PARVB: variants seen among roughly 807,000 people sequenced by gnomAD.
PARVB encodes the protein parvin beta.
In PARVB, 46 loss-of-function variants were observed where a neutral mutation model predicts 47.0. That is an observed-to-expected ratio of 0.98 (90% CI 0.77 to 1.25). PARVB has a LOEUF of 1.25. Among genes scored for constraint, PARVB ranks in the 50% most tolerant of loss-of-function variants. The pLI is 0.00. For missense variants in PARVB, 473 were observed against 471.6 expected (o/e 1.00, Z -0.03); for synonymous variants, 196 against 196.3 (o/e 1.00, Z 0.01).
chr22:44,059,039 C>CTTTTTTTTTTTTT (rs11296450), intron 1 of PARVB, among the ~76,000 whole-genome samples: 1 of 73,050 alleles, frequency 1.4e-5, no homozygotes, highest in Admixed American at 1.7e-4. Flanking sequence ...CACCCTGTGG[C>CTTTTTTTTTTTTT]TTTTTTTTTT....
intron 2 of PARVB, among the ~76,000 whole-genome samples, chr22:44,008,096 G>T (rs7364252): frequency 0.026 from 3,983 of 151,874 alleles, 54 homozygotes; most frequent in South Asian, 0.031. Flanking sequence ...GGTTTTTTTT[G>T]TTGTTGTTGT....
intron 1 of PARVB, among the ~76,000 whole-genome samples, chr22:44,063,826 G>A (rs1366464739): frequency 6.6e-6 from 1 of 152,188 alleles, no homozygotes; most frequent in African/African-American, 2.4e-5. Flanking sequence ...GGGCATGTGA[G>A]AAGCTCTCAA....
chr22:44,128,614 G>C (rs928793154), intron 4 of PARVB, among the ~76,000 whole-genome samples: 6 of 152,312 alleles, frequency 3.9e-5, no homozygotes, highest in African/African-American at 1.4e-4. Flanking sequence ...CCTACATGCA[G>C]GGCCCACCCA....
chr22:44,168,041 G>A (rs2054207410), intron 12 of PARVB: 1 of 156,134 alleles, frequency 6.4e-6, no homozygotes, highest in South Asian at 1.9e-4. Flanking sequence ...TTGGATCACA[G>A]GGAGTCAGGA....
Position 44,089,985 on chromosome 22 carries a change from C to T in PARVB, c.113-3943C>T, listed in dbSNP as rs1303948010. ...GCCTGCCTTGTGGTCACTCTTCCTC[C>T]AGTCTGTGTCTCTCTTGGAGCCTAA... On this transcript the variant is annotated intron_variant, in intron 1 of 12. Coordinates refer to ENST00000338758, the MANE Select transcript of PARVB (RefSeq NM_013327.5). The surrounding 1 kb of genome is among the most constrained non-coding windows in gnomAD (Gnocchi z 4.0). Among the ~76,000 whole-genome samples, 1 of 152,200 alleles carries T rather than the reference C, an allele frequency of 6.6e-6. No homozygotes were observed. Among genetic ancestry groups the T allele is most frequent in the Non-Finnish European group, 1.5e-5 (1 of 68,040 alleles).
At chr22:44,066,012 G>A (rs936237894) in intron 1 of PARVB, among the ~76,000 whole-genome samples, 1 of 152,028 alleles carries the variant, frequency 6.6e-6, no homozygotes, top group Non-Finnish European at 1.5e-5. Flanking sequence ...CTTTTCCCTT[G>A]GGTAGATACC....
chr22:44,069,060 C>T (rs898212222), intron 1 of PARVB: 2 of 1,551,132 alleles, frequency 1.3e-6, no homozygotes, highest in Non-Finnish European at 8.8e-7. Flanking sequence ...TAGTGGCGCC[C>T]CTGCCACGTC....
At chr22:44,010,628 CG>C (rs1455478710) in intron 2 of PARVB, 1 of 152,134 alleles carries the variant, frequency 6.6e-6, no homozygotes, top group African/African-American at 2.4e-5. Flanking sequence ...TTTCAAACAT[CG>C]GTTTTTGGTG....
chr22:44,019,673 AAG>A (rs1223574433), upstream of PARVB, among the ~76,000 whole-genome samples: 2 of 152,196 alleles, frequency 1.3e-5, no homozygotes, highest in African/African-American at 2.4e-5. Context: ...ATTACAGGGC[AAG>A]AGAGGAAGCA....
chr22:44,005,940 C>T (rs8138668), intron 2 of PARVB, among the ~76,000 whole-genome samples: 31,685 of 152,060 alleles, frequency 0.21, 3,498 homozygotes, highest in Middle Eastern at 0.25. Flanking sequence ...TTTGTTTGTG[C>T]GTTTTGCCCA....
chr22:44,016,817 T>C (rs1160508992), intron 2 of PARVB, among the ~76,000 whole-genome samples: 2 of 152,142 alleles, frequency 1.3e-5, no homozygotes, highest in African/African-American at 4.8e-5. Flanking sequence ...AATGTTCAGA[T>C]TTTGAACCAT....
chr22:44,152,971 A>G (rs1244659241), intron 10 of PARVB: 2 of 152,218 alleles, frequency 1.3e-5, no homozygotes, highest in Non-Finnish European at 2.9e-5. Flanking sequence ...AAAATCACCC[A>G]TAATCCCGTC....
intron 1 of PARVB, among the ~76,000 whole-genome samples, chr22:44,065,853 GTGTGCA>G (rs2051510210): frequency 3.0e-5 from 4 of 134,480 alleles, no homozygotes; most frequent in South Asian, 4.6e-4. Flanking sequence ...GTGTGTGTGT[GTGTGCA>G]TGTGTGTGTG....
At chr22:44,151,682 G>C in intron 10 of PARVB, 131 bp downstream of exon 10, 1 of 712,110 alleles carries the variant, frequency 1.4e-6, no homozygotes, top group Non-Finnish European at 2.5e-6. Flanking sequence ...CGTGGTGCAG[G>C]CAGAAATAAC....
At chr22:44,070,252 G>T (rs1410741726) in intron 1 of PARVB, among the ~76,000 whole-genome samples, 1 of 152,180 alleles carries the variant, frequency 6.6e-6, no homozygotes, top group East Asian at 1.9e-4. Context: ...GGAGTCAGGA[G>T]TGTACCCAAC....
In PARVB at chr22:44,158,102, T is replaced by C; in HGVS notation, c.945+19T>C. 1 of 1,513,000 alleles carries C rather than the reference T, an allele frequency of 6.6e-7. No individual in the cohort carries two copies. Among genetic ancestry groups the C allele is most frequent in the Non-Finnish European group, 9.2e-7 (1 of 1,087,916 alleles). The allele number at this position is 1,513,000 out of a possible 1,614,324, so 93.7% of individuals were successfully genotyped here. A position where few individuals can be genotyped will look rare whatever the true frequency, so the allele number is the denominator to read the frequency against. ...TCAGAAGGTATGTGCATGGTCTCCA[T>C]CCTTGGTAGGGGCTCAAGAAATGCT... On this transcript the variant is annotated intron_variant, in intron 11 of 12. Coordinates refer to ENST00000338758, the MANE Select transcript of PARVB (RefSeq NM_013327.5).
chr22:44,004,788 A>G (rs2050447536), intron 2 of PARVB, among the ~76,000 whole-genome samples: 1 of 152,184 alleles, frequency 6.6e-6, no homozygotes, highest in Admixed American at 6.5e-5. Flanking sequence ...CCGTCTCTCC[A>G]GTCTTTGATT....
At chr22:44,039,842 T>G in intron 1 of PARVB, 1 of 455,522 alleles carries the variant, frequency 2.2e-6, no homozygotes, top group South Asian at 1.6e-5. Flanking sequence ...AAAGATGAGA[T>G]CTCACTCTGA....
At position 44,171,733 on chromosome 22, in the gene PARVB, A is replaced by C. The variant is rs1353941467; in HGVS notation, c.*3055A>C. 1 of 151,772 alleles carries C rather than the reference A, an allele frequency of 6.6e-6. No individual in the cohort carries two copies. The highest frequency in any genetic ancestry group is 6.6e-5 in the Admixed American group (1 of 15,240). The allele number at this position is 151,772 out of a possible 1,614,324, so 9.4% of individuals were successfully genotyped here. A position where few individuals can be genotyped will look rare whatever the true frequency, so the allele number is the denominator to read the frequency against. On this transcript the variant is annotated 3_prime_UTR_variant, in exon 13 of 13. Coordinates refer to ENST00000338758, the MANE Select transcript of PARVB (RefSeq NM_013327.5). ...TTCAAGTCGAACAGTAAAAGGAATCATAAGATCTGTGGGGAAGCTACATGG... is the reference window on the plus strand; with the variant it reads ...TTCAAGTCGAACAGTAAAAGGAATCCTAAGATCTGTGGGGAAGCTACATGG...
Sources: allele counts gnomAD v4.1 joint callset (sites outside exome capture counted in the v4.1 genomes callset), GRCh38; gene constraint gnomAD v4.1.1; non-coding constraint Gnocchi (gnomAD v3.1); transcripts MANE v1.5; gene names NCBI Gene and HGNC (gene_info 2026-07-23, HGNC 2026-07-21).